The following MMP15 variants were observed in gnomAD, a reference collection of about 807,000 sequenced individuals.
The protein encoded by MMP15 is matrix metalloproteinase-15.
A neutral mutation model predicts 65.0 loss-of-function variants in MMP15; 36 were observed. The ratio of observed to expected loss-of-function variants is 0.55; its 90% confidence interval spans 0.42 to 0.73. MMP15 has a LOEUF of 0.73. Among genes scored for constraint, MMP15 ranks in the 30% least tolerant of loss-of-function variants. The probability of loss-of-function intolerance (pLI) is 0.00; values close to 1 mark genes in which losing one functional copy is unlikely to be tolerated. For synonymous variants in MMP15, 428 were observed against 410.2 expected (o/e 1.04, Z -0.52); for missense variants, 870 against 987.8 (o/e 0.88, Z 1.60).
At chr16:58,034,586 G>A (rs537545701) in intron 1 of MMP15, among the ~76,000 whole-genome samples, 1 of 152,196 alleles carries the variant, frequency 6.6e-6, no homozygotes, top group Admixed American at 6.5e-5. Flanking sequence ...GCTTCGCCTT[G>A]TTATCCAGAG....
chr16:58,038,305 CG>C lies in MMP15; in HGVS notation c.355del (p.Val119TyrfsTer3). 6.2e-7 allele frequency: 1 copy of C among 1,614,024 alleles called. No homozygotes were observed. Among genetic ancestry groups the C allele is most frequent in the Non-Finnish European group, 8.5e-7 (1 of 1,180,016 alleles). ...RPRCGVPDQFGVRVKANLRRR... is the reference protein window; with the variant it reads ...RPRCGVPDQFXVRVKANLRRR... ...CCCGCTGTGGGGTGCCAGACCAGTT[CG>C]GGGTACGAGTGAAAGCCAACCTGCG... is the stretch of plus-strand genomic sequence containing the variant. On this transcript the variant is annotated frameshift_variant, in exon 3 of 10. Transcript: ENST00000219271. LOFTEE classifies it high-confidence loss of function.
Position 58,037,350 on chromosome 16 carries a change from A to T in MMP15, c.163-122A>T, listed in dbSNP as rs1043260568. On this transcript the variant is annotated intron_variant, in intron 1 of 9. Transcript: ENST00000219271. The stretch of plus-strand genomic sequence containing the variant: ...AGGCTCACACGGTCACCTGGGCAGG[A>T]GGTGATGACGGCTCAGATAGAGCAG... 7 of 1,263,246 alleles carry T rather than the reference A, an allele frequency of 5.5e-6. No homozygotes were observed. In the African/African-American group the frequency reaches 1.0e-4, roughly 19 times the overall value. The allele number at this position is 1,263,246 out of a possible 1,614,324, so 78.3% of individuals were successfully genotyped here.
At chr16:58,034,786 G>A (rs1233864041) in intron 1 of MMP15, among the ~76,000 whole-genome samples, 3 of 152,144 alleles carry the variant, frequency 2.0e-5, no homozygotes, top group Admixed American at 1.3e-4. Context: ...TCTGTGTGGA[G>A]GGTCCATAGT....
intron 4 of MMP15, 80 bp from the exon 5 acceptor site, chr16:58,040,457 C>T (rs940431682): frequency 5.5e-5 from 84 of 1,516,980 alleles, no homozygotes; most frequent in Middle Eastern, 2.4e-4. Flanking sequence ...CTCTGGCAGC[C>T]TCAGCCTGGA....
chr16:58,044,214 T>C (rs1037870651), intron 9 of MMP15, among the ~76,000 whole-genome samples: 1 of 152,208 alleles, frequency 6.6e-6, no homozygotes, highest in Non-Finnish European at 1.5e-5. Context: ...GAGAGGCCGA[T>C]GCGAGAGGAT....
At chr16:58,027,155 G>T (rs1247772894) in intron 1 of MMP15, among the ~76,000 whole-genome samples, 2 of 152,244 alleles carry the variant, frequency 1.3e-5, no homozygotes, top group South Asian at 2.1e-4. Context: ...TCCTAAGGAC[G>T]GACCCTGCCT....
At chr16:58,041,470 G>A (rs1377934476) in intron 5 of MMP15, 147 bp from the exon 6 acceptor site, 12 of 819,118 alleles carry the variant, frequency 1.5e-5, no homozygotes, top group Middle Eastern at 3.0e-4. Context: ...AGGTCCCACC[G>A]AGGATGGAGG....
At chr16:58,030,942 C>T (rs1002914304) in intron 1 of MMP15, among the ~76,000 whole-genome samples, 8 of 152,214 alleles carry the variant, frequency 5.3e-5, no homozygotes, top group South Asian at 2.1e-4. Context: ...AAACACTAAA[C>T]GCTATGCACA....
intron 6 of MMP15, 116 bp downstream of exon 6, chr16:58,041,986 G>A: frequency 1.5e-6 from 2 of 1,307,200 alleles, no homozygotes; most frequent in South Asian, 1.5e-5. Context: ...GCTCTAGATG[G>A]GGAGGAATCC....
At chr16:58,037,971 T>A (rs1247883113) in intron 2 of MMP15, among the ~76,000 whole-genome samples, 1 of 152,190 alleles carries the variant, frequency 6.6e-6, no homozygotes, top group African/African-American at 2.4e-5. Flanking sequence ...GCCATGTCCC[T>A]GAAAACAATG....
rs1173969377 is a variant in MMP15, at chr16:58,045,272, CGTG to C, written c.1843_1845del (p.Val615del). ...GGGTCAACAAGGACGGGGGCAGCCG[CGTG>C]GTGGTGCAGATGGAGGAGGTGGCAC... On this transcript the variant is annotated inframe_deletion, in exon 10 of 10. Coordinates refer to ENST00000219271, the MANE Select transcript of MMP15 (RefSeq NM_002428.4). 2 of 1,610,066 alleles carry C rather than the reference CGTG, an allele frequency of 1.2e-6. No individual in the cohort carries two copies. The highest frequency in any genetic ancestry group is 1.7e-6 in the Non-Finnish European group (2 of 1,179,212).
rs61729296 is a variant in MMP15, at chr16:58,045,270, C to T, written c.1834C>T (p.Arg612Cys). 17 of 1,609,914 alleles carry T rather than the reference C, an allele frequency of 1.1e-5. No individual in the cohort carries two copies. The highest frequency in any genetic ancestry group is 2.2e-5 in the East Asian group (1 of 44,732). The change falls in exon 10 of 10, where the codon CGC becomes TGC. Residue 612 changes from arginine to cysteine, a missense_variant. Coordinates refer to ENST00000219271, the MANE Select transcript of MMP15 (RefSeq NM_002428.4). ...CGGGGTCAACAAGGACGGGGGCAGC[C>T]GCGTGGTGGTGCAGATGGAGGAGGT... ...GAGVNKDGGSRVVVQMEEVAR... is the reference protein window; with the variant it reads ...GAGVNKDGGSCVVVQMEEVAR...
In MMP15 at chr16:58,037,456, T is replaced by C; in HGVS notation, c.163-16T>C. 1 of 1,612,542 alleles carries C rather than the reference T, an allele frequency of 6.2e-7. No homozygotes were observed. The highest frequency in any genetic ancestry group is 2.2e-5 in the East Asian group (1 of 44,862). On this transcript the variant is annotated splice_polypyrimidine_tract_variant and intron_variant, in intron 1 of 9. Coordinates refer to ENST00000219271, the MANE Select transcript of MMP15 (RefSeq NM_002428.4). Reference sequence around the variant, plus strand: ...CAGTGCCAGGACCTGCTGACAGAGTTGCGGCTTCTTTGCAGAACTGGCTGC... The same window carrying C: ...CAGTGCCAGGACCTGCTGACAGAGTCGCGGCTTCTTTGCAGAACTGGCTGC...
chr16:58,045,618 A>C lies in MMP15; in HGVS notation c.*172A>C. 1 of 598,862 alleles carries C rather than the reference A, an allele frequency of 1.7e-6. No homozygotes were observed. The highest frequency in any genetic ancestry group is 2.9e-6 in the Non-Finnish European group (1 of 349,754). 37.1% of individuals were successfully genotyped at this position (598,862 alleles called of 1,614,324 possible). Reference sequence around the variant, plus strand: ...TGTTTTGTTTTGTTTTTGGCACCTTACTTGACCATTTGTTTCTGTTTCCCC... The same window carrying C: ...TGTTTTGTTTTGTTTTTGGCACCTTCCTTGACCATTTGTTTCTGTTTCCCC... On this transcript the variant is annotated 3_prime_UTR_variant, in exon 10 of 10. Coordinates refer to ENST00000219271, the MANE Select transcript of MMP15 (RefSeq NM_002428.4).
Position 58,045,045 on chromosome 16 carries a change from T to C in MMP15, c.1609T>C (p.Phe537Leu), listed in dbSNP as rs2056107585. 1 of 1,613,400 alleles carries C rather than the reference T, an allele frequency of 6.2e-7. No individual in the cohort carries two copies. Among genetic ancestry groups the C allele is most frequent in the South Asian group, 1.1e-5 (1 of 91,082 alleles). The change falls in exon 10 of 10, where the codon TTC becomes CTC. Residue 537 changes from phenylalanine (F) to leucine (L), a missense_variant. Phe to Leu is a conservative substitution (Grantham distance 22). Transcript: ENST00000219271. ...CTACAAGGGCACCAAATACTGGAAA[T>C]TCGACAATGAGCGCCTGCGGATGGA... ...YFYKGTKYWK[F>L]DNERLRMEPG... is the part of the protein sequence containing the mutation.
rs1959557779 is a variant in MMP15 at position 58,046,038 on chromosome 16, G to C, written c.*592G>C. On this transcript the variant is annotated 3_prime_UTR_variant, in exon 10 of 10. Transcript: ENST00000219271. ...ACAGCCTCAGTGACCCTGGCTCCTT[G>C]TGCCAGAGAACCCAGCCCACCCCCG... is the stretch of plus-strand genomic sequence containing the variant. 1 of 152,930 alleles carries C rather than the reference G, an allele frequency of 6.5e-6. No homozygotes were observed. The highest frequency in any genetic ancestry group is 1.5e-5 in the Non-Finnish European group (1 of 68,544). 9.5% of individuals were successfully genotyped at this position (152,930 alleles called of 1,614,324 possible).
At chr16:58,042,125 C>T in intron 6 of MMP15, 106 bp from the exon 7 acceptor site, 4 of 1,410,234 alleles carry the variant, frequency 2.8e-6, no homozygotes, top group Non-Finnish European at 3.8e-6. Context: ...TCTCAGTGTC[C>T]TCCCCTTGGG....
intron 1 of MMP15, among the ~76,000 whole-genome samples, chr16:58,027,198 G>A (rs997224569): frequency 6.6e-6 from 1 of 152,182 alleles, no homozygotes; most frequent in African/African-American, 2.4e-5. Context: ...GCGCCCCTAC[G>A]TCGAAGCCCT....
rs1959526237 is a variant in MMP15 at position 58,045,043 on chromosome 16, A to T, written c.1607A>T (p.Lys536Ile). The change falls in exon 10 of 10, where the codon AAA becomes ATA. Residue 536 changes from lysine (K) to isoleucine (I), a missense_variant. By Grantham distance (102) the Lys-to-Ile change is moderately radical. Transcript: ENST00000219271. Reference sequence around the variant, plus strand: ...TTCTACAAGGGCACCAAATACTGGAAATTCGACAATGAGCGCCTGCGGATG... The same window carrying T: ...TTCTACAAGGGCACCAAATACTGGATATTCGACAATGAGCGCCTGCGGATG... ...TYFYKGTKYW[K>I]FDNERLRMEP... 2 of 1,613,288 alleles carry T rather than the reference A, an allele frequency of 1.2e-6. No individual in the cohort carries two copies. Among genetic ancestry groups the T allele is most frequent in the African/African-American group, 2.7e-5 (2 of 74,916 alleles).
Sources: allele counts gnomAD v4.1 joint callset (sites outside exome capture counted in the v4.1 genomes callset), GRCh38; gene constraint gnomAD v4.1.1; transcripts MANE v1.5; gene names NCBI Gene and HGNC (gene_info 2026-07-23, HGNC 2026-07-21).